The following FHDC1 variants were observed in gnomAD, a reference collection of about 807,000 sequenced individuals.
FHDC1 encodes FH2 domain-containing protein 1.
A neutral mutation model predicts 52.6 loss-of-function variants in FHDC1; 25 were observed. That is an observed-to-expected ratio of 0.48 (90% confidence interval 0.35 to 0.66). FHDC1 has a LOEUF of 0.66. Ranked by LOEUF, FHDC1 falls within the 30% of genes least tolerant of loss-of-function variation. FHDC1 has a pLI of 0.01. For synonymous variants in FHDC1, 616 were observed against 581.5 expected (o/e 1.06, Z -0.85); for missense variants, 1,459 against 1,452.8 (o/e 1.00, Z -0.07).
chr4:152,935,319 CAA>C (rs965248072), upstream of FHDC1, among the ~76,000 whole-genome samples: 1 of 152,144 alleles, frequency 6.6e-6, no homozygotes, highest in Non-Finnish European at 1.5e-5. Flanking sequence ...TATCTAGGAT[CAA>C]AGAGTCAAAG....
chr4:152,944,825 C>T (rs1739680006), intron 2 of FHDC1, among the ~76,000 whole-genome samples: 1 of 152,210 alleles, frequency 6.6e-6, no homozygotes, highest in South Asian at 2.1e-4. Flanking sequence ...TATGCAAAGT[C>T]CTTTTATTTG....
chr4:152,953,586 T>C (rs770087758), intron 3 of FHDC1, 26 bp downstream of exon 3: 36 of 1,578,890 alleles, frequency 2.3e-5, no homozygotes, highest in Non-Finnish European at 3.0e-5. Context: ...CATTTGAAAC[T>C]TTAGTCATAT....
At chr4:152,944,376 G>A (rs1046167600) in intron 2 of FHDC1, among the ~76,000 whole-genome samples, 6 of 151,748 alleles carry the variant, frequency 4.0e-5, no homozygotes, top group Non-Finnish European at 5.9e-5. Context: ...ATGCTGCCCC[G>A]CCCACATGCA....
chr4:152,929,744 C>T, the FHDC1 span, among the ~76,000 whole-genome samples: 1 of 152,096 alleles, frequency 6.6e-6, no homozygotes, highest in Non-Finnish European at 1.5e-5. The surrounding 1 kb of genome is among the most constrained non-coding windows in gnomAD (Gnocchi z 4.1). Context: ...CAAGTAGCCA[C>T]CCTTGGATAT....
Position 152,974,954 on chromosome 4 carries a change from T to C in FHDC1, c.1663T>C (p.Leu555=), listed in dbSNP as rs1193445871. 8 of 1,612,376 alleles carry C rather than the reference T, an allele frequency of 5.0e-6. No homozygotes were observed. Among genetic ancestry groups the C allele is most frequent in the Non-Finnish European group, 6.8e-6 (8 of 1,179,836 alleles). The change falls in exon 12 of 12, where the codon TTG becomes CTG. Residue 555 remains leucine, a synonymous_variant. Coordinates refer to ENST00000511601, the MANE Select transcript of FHDC1 (RefSeq NM_001371116.1). The part of the protein sequence containing the change: ...PSADRELLTF[L]ESSTGSPEEP... ...TGCTGACCGGGAGCTGCTGACCTTC[T>C]TGGAGAGCTCCACCGGCAGCCCTGA...
At chr4:152,912,185 A>T in the FHDC1 span, 1 of 152,154 alleles carries the variant, frequency 6.6e-6, no homozygotes, top group African/African-American at 2.4e-5. Flanking sequence ...CATGATTCTG[A>T]TAGTGGGCAC....
chr4:152,966,093 A>G (rs1234999513), intron 9 of FHDC1, among the ~76,000 whole-genome samples: 1 of 152,248 alleles, frequency 6.6e-6, no homozygotes, highest in African/African-American at 2.4e-5. Flanking sequence ...ACTGAAAGAA[A>G]TTTGTGTGGG....
chr4:152,960,896 C>A, intron 6 of FHDC1, 52 bp downstream of exon 6: 2 of 1,373,054 alleles, frequency 1.5e-6, no homozygotes, highest in Admixed American at 2.4e-5. Context: ...ATTTCGATAG[C>A]AGTTTTTTAA....
At chr4:152,960,437 T>C (rs768294294) in intron 4 of FHDC1, 128 bp from the exon 5 acceptor site, 26 of 872,786 alleles carry the variant, frequency 3.0e-5, no homozygotes, top group Non-Finnish European at 2.6e-5. Context: ...TTTTTGTCTT[T>C]TCTAAATTAA....
Position 152,975,729 on chromosome 4 carries a change from G to T in FHDC1, c.2438G>T (p.Gly813Val). 1 of 1,596,084 alleles carries T rather than the reference G, an allele frequency of 6.3e-7. No individual in the cohort carries two copies. Among genetic ancestry groups the T allele is most frequent in the Middle Eastern group, 1.7e-4 (1 of 5,982 alleles). Reference protein sequence around the residue: ...EGDGSMSSGVGEMGDSQVSSN... With the variant: ...EGDGSMSSGVVEMGDSQVSSN... ...GATGGCTCCATGTCCTCTGGGGTTG[G>T]AGAAATGGGGGACAGCCAAGTCTCC... Residue 813 changes from glycine (G) to valine (V), a missense_variant, in exon 12 of 12, where the codon GGA (glycine) becomes GTA (valine). By Grantham distance (109) the Gly-to-Val change is moderately radical (BLOSUM62 -3). Coordinates refer to ENST00000511601, the MANE Select transcript of FHDC1 (RefSeq NM_001371116.1).
rs765944594 is a variant in FHDC1, at chr4:152,964,928, T to G, written c.1053T>G (p.Ile351Met). The G allele has an allele frequency of 5.0e-6, 8 of 1,612,260 alleles. No individual in the cohort carries two copies. In the East Asian group the frequency reaches 1.6e-4, roughly 32 times the overall value. Residue 351 changes from isoleucine to methionine, a missense_variant, in exon 9 of 12, where the codon ATT (isoleucine) becomes ATG (methionine). This residue lies in a region of FHDC1 where 513 missense variants were observed against 581.5 expected (regional missense o/e 0.88). Transcript: ENST00000511601. ...VAQEAQKKDT[I>M]LLNFSEKLHH... ...AGGAAGCCCAAAAGAAAGATACCAT[T>G]CTTCTAAACTTTTCAGAAAAATTGC...
Position 152,976,585 on chromosome 4 carries a change from C to G in FHDC1, c.3294C>G (p.Arg1098=), listed in dbSNP as rs751950789. The G allele has an allele frequency of 4.3e-6, 7 of 1,612,496 alleles. No homozygotes were observed. The South Asian group carries it at 6.6e-5, about 15-fold the overall frequency. The change falls in exon 12 of 12, where the codon CGC becomes CGG. Residue 1098 remains arginine (R), a synonymous_variant. Transcript: ENST00000511601. ...RASSARAPKK[R]PESAEGPSAN... ...GCAGTGCCCGGGCCCCCAAGAAGCG[C>G]CCAGAGTCTGCGGAGGGTCCCAGTG...
rs58783965 is a variant in FHDC1, at chr4:152,963,769, GTTTTTTTTTTTTTTTTTTTT to G, written c.1029+654_1029+673del. 8.3e-4 allele frequency among the ~76,000 whole-genome samples: 43 copies of G among 51,804 alleles called. No individual in the cohort carries two copies. The East Asian group carries it at 0.02, about 24-fold the overall frequency. 34.0% of individuals were successfully genotyped at this position (51,804 alleles called of 152,430 possible). A position where few individuals can be genotyped will look rare whatever the true frequency, so the allele number is the denominator to read the frequency against. On this transcript the variant is annotated intron_variant, in intron 8 of 11. Transcript: ENST00000511601. ...GGAGTCTGATCCTATCCATTGCTTT[GTTTTTTTTTTTTTTTTTTTT>G]TTTTTTTTTTTTTTGACTGGATCTC...
chr4:152,972,282 C>A (rs1325593309), intron 10 of FHDC1, 95 bp from the exon 11 acceptor site: 1 of 1,293,432 alleles, frequency 7.7e-7, no homozygotes. Context: ...AAATGAAACC[C>A]CAGAGCACGT....
Position 152,943,456 on chromosome 4 carries a change from C to T in FHDC1, c.399C>T (p.Thr133=), listed in dbSNP as rs367965078. The T allele has an allele frequency of 6.2e-5, 100 of 1,613,974 alleles. No individual in the cohort carries two copies. Among genetic ancestry groups the T allele is most frequent in the Non-Finnish European group, 7.8e-5 (92 of 1,180,042 alleles). ...QEHHYQIDTK[T]IEELFGQQED... Reference sequence around the variant, plus strand: ...ATCACTACCAAATTGATACAAAGACCATTGAGGAGCTCTTTGGGCAGCAGG... The same window carrying T: ...ATCACTACCAAATTGATACAAAGACTATTGAGGAGCTCTTTGGGCAGCAGG... Residue 133 remains threonine, a synonymous_variant, in exon 2 of 12, where the codon ACC becomes ACT. Coordinates refer to ENST00000511601, the MANE Select transcript of FHDC1 (RefSeq NM_001371116.1).
chr4:152,922,774 A>G, the FHDC1 span, among the ~76,000 whole-genome samples: 6 of 152,146 alleles, frequency 3.9e-5, no homozygotes. Context: ...TTATCTCAAT[A>G]GATGCAGAAA....
chr4:152,930,098 A>G, the FHDC1 span, among the ~76,000 whole-genome samples: 3 of 152,304 alleles, frequency 2.0e-5, no homozygotes, highest in South Asian at 2.1e-4. Context: ...CTGCCCATCA[A>G]TCACCCCACA....
Position 152,976,251 on chromosome 4 carries a change from A to G in FHDC1, c.2960A>G (p.Lys987Arg), listed in dbSNP as rs1740877618. The change falls in exon 12 of 12, where the codon AAA becomes AGA. Residue 987 changes from lysine (K) to arginine (R), a missense_variant. By Grantham distance (26) the Lys-to-Arg change is conservative. Around this residue, in one of 3 missense-constraint regions of FHDC1, gnomAD observed 939 missense variants for 854.5 expected, o/e 1.10. Transcript: ENST00000511601. ...GGTTCTTTCAAGAAGCCCAGTGCCA[A>G]ACCACTCAGGAACCTCCCCAGACAG... ...PRGSFKKPSA[K>R]PLRNLPRQKP... The G allele has an allele frequency of 1.2e-6, 2 of 1,613,278 alleles. No individual in the cohort carries two copies. Among genetic ancestry groups the G allele is most frequent in the South Asian group, 1.1e-5 (1 of 91,080 alleles).
intron 8 of FHDC1, among the ~76,000 whole-genome samples, chr4:152,963,765 C>CTTTGT (rs1740359717): frequency 7.9e-5 from 4 of 50,874 alleles, no homozygotes; most frequent in Non-Finnish European, 1.2e-4. Flanking sequence ...CTATCCATTG[C>CTTTGT]TTTGTTTTTT....
Sources: gnomAD v4.1 joint callset for allele counts (sites outside exome capture counted in the v4.1 genomes callset) on GRCh38, gnomAD v4.1.1 for gene constraint, gnomAD v4.1.1 regional missense constraint, Gnocchi (gnomAD v3.1) non-coding constraint, MANE v1.5 for transcripts, NCBI Gene and HGNC (gene_info 2026-07-23, HGNC 2026-07-21) for gene names.